Variants in CNTN4 observed in about 807,000 individuals in gnomAD.
The protein encoded by CNTN4 is contactin 4.
In CNTN4, 77 loss-of-function variants were observed where a neutral mutation model predicts 122.5. The observed-to-expected ratio is 0.63, with a 90% CI of 0.52 to 0.76. The LOEUF is 0.76. Among genes scored for constraint, CNTN4 ranks in the 30% least tolerant of loss-of-function variants. The probability of loss-of-function intolerance (pLI) is 0.00; values close to 1 mark genes in which losing one functional copy is unlikely to be tolerated. For synonymous variants in CNTN4, 512 were observed against 447.0 expected (o/e 1.15, Z -1.83); for missense variants, 1,256 against 1,259.1 (o/e 1.00, Z 0.04).
intron 8 of CNTN4, among the ~76,000 whole-genome samples, chr3:2,867,654 G>T (rs2093738711): frequency 1.3e-5 from 2 of 151,762 alleles, no homozygotes; most frequent in Admixed American, 1.3e-4. Flanking sequence ...CTTCTCCCTT[G>T]GATAAACTGA....
chr3:2,745,605 C>G lies in CNTN4; in HGVS notation c.266C>G (p.Pro89Arg), dbSNP rs756741292. The G allele has an allele frequency of 6.2e-7, 1 of 1,614,054 alleles. No homozygotes were observed. The highest frequency in any genetic ancestry group is 8.5e-7 in the Non-Finnish European group (1 of 1,179,954). Residue 89 changes from proline (P) to arginine (R), a missense_variant, in exon 6 of 25, where the codon CCC becomes CGC. Coordinates refer to ENST00000418658, the MANE Select transcript of CNTN4 (RefSeq NM_175607.3). ...VVEGSLLINNPNKTQDAGTYQ... is the reference protein window; with the variant it reads ...VVEGSLLINNRNKTQDAGTYQ... ...GAAGGGAGCTTGTTGATCAATAACC[C>G]CAATAAAACCCAAGATGCTGGAACG...
intron 3 of CNTN4, among the ~76,000 whole-genome samples, chr3:2,344,304 C>G (rs12639121): frequency 0.42 from 62,070 of 149,452 alleles, 13,596 homozygotes; most frequent in East Asian, 0.8. Context: ...TAGATGGCAT[C>G]TAGCTCTGTT....
At chr3:2,865,287 T>C (rs2093712226) in intron 7 of CNTN4, among the ~76,000 whole-genome samples, 1 of 152,208 alleles carries the variant, frequency 6.6e-6, no homozygotes, top group Non-Finnish European at 1.5e-5. Context: ...TGACCCCTCC[T>C]TTGTGCGTAA....
At chr3:2,573,560 T>C (rs1187000701) in intron 4 of CNTN4, among the ~76,000 whole-genome samples, 7 of 152,162 alleles carry the variant, frequency 4.6e-5, no homozygotes, top group African/African-American at 1.2e-4. Flanking sequence ...TTTCTCATAT[T>C]TGGCTACAGC....
chr3:2,952,310 A>G lies in CNTN4; in HGVS notation c.1358+26531A>G, dbSNP rs778816022. Among the ~76,000 whole-genome samples the G allele has an allele frequency of 9.9e-5, 15 of 152,224 alleles. No individual in the cohort carries two copies. The South Asian group carries it at 1.9e-3, about 19-fold the overall frequency. ...TGGATCTTGAGGTAACTACAGTACCATAAAAAGGACTAGATTTGGGGAATG... is the reference window on the plus strand; with the variant it reads ...TGGATCTTGAGGTAACTACAGTACCGTAAAAAGGACTAGATTTGGGGAATG... On this transcript the variant is annotated intron_variant, in intron 13 of 24. Transcript: ENST00000418658.
At chr3:2,998,055 C>G (rs967076793) in intron 14 of CNTN4, among the ~76,000 whole-genome samples, 1 of 152,086 alleles carries the variant, frequency 6.6e-6, no homozygotes, top group East Asian at 1.9e-4. Context: ...TCAGAACTGC[C>G]TTCTCCTCCA....
chr3:2,167,526 A>T lies in CNTN4; in HGVS notation c.-145+66887A>T, dbSNP rs151184469. ...TTGGAAACATAAACATTCAAGAAGA[A>T]ATTAACAAAACTATTACCAGACTGG... On this transcript the variant is annotated intron_variant, in intron 2 of 24. Transcript: ENST00000418658. Among the ~76,000 whole-genome samples the T allele has an allele frequency of 4.6e-3, 699 of 152,322 alleles. 4 individuals carry two copies. The highest frequency in any genetic ancestry group is 0.016 in the African/African-American group (668 of 41,574).
chr3:2,483,003 A>G (rs190288456), intron 3 of CNTN4, among the ~76,000 whole-genome samples: 345 of 152,106 alleles, frequency 2.3e-3, no homozygotes, highest in African/African-American at 7.9e-3. Flanking sequence ...CATCCTCCAG[A>G]CCCCAGAATG....
At chr3:2,537,409 C>G (rs1234079532) in intron 3 of CNTN4, among the ~76,000 whole-genome samples, 1 of 152,068 alleles carries the variant, frequency 6.6e-6, no homozygotes, top group Non-Finnish European at 1.5e-5. Context: ...TTTGTGAGAG[C>G]TATGTCTGTG....
At chr3:2,642,098 C>T (rs976942381) in intron 4 of CNTN4, among the ~76,000 whole-genome samples, 2 of 152,190 alleles carry the variant, frequency 1.3e-5, no homozygotes, top group Non-Finnish European at 2.9e-5. Context: ...AGGCTGTCTG[C>T]AAGCTGCGGA....
chr3:2,587,159 A>G (rs1178750766), intron 4 of CNTN4, among the ~76,000 whole-genome samples: 1 of 152,218 alleles, frequency 6.6e-6, no homozygotes, highest in Non-Finnish European at 1.5e-5. Context: ...ACTTCTTTAA[A>G]GGCAAATGTG....
chr3:2,540,141 T>C (rs1357427300), intron 3 of CNTN4, among the ~76,000 whole-genome samples: 1 of 151,862 alleles, frequency 6.6e-6, no homozygotes, highest in Non-Finnish European at 1.5e-5. Context: ...ATATAAAAAA[T>C]TGGGGTTGTA....
intron 4 of CNTN4, among the ~76,000 whole-genome samples, chr3:2,632,954 A>G (rs1337386284): frequency 2.7e-5 from 4 of 149,486 alleles, no homozygotes; most frequent in Admixed American, 1.3e-4. Context: ...ATTACAAGTA[A>G]TAGTATATAT....
chr3:2,257,596 A>T (rs1575189245), intron 2 of CNTN4, among the ~76,000 whole-genome samples: 1 of 152,178 alleles, frequency 6.6e-6, no homozygotes, highest in East Asian at 1.9e-4. Flanking sequence ...TACAAGAAAA[A>T]AGCAACCCCA....
chr3:2,630,541 A>G (rs1221684564), intron 4 of CNTN4, among the ~76,000 whole-genome samples: 1 of 152,172 alleles, frequency 6.6e-6, no homozygotes, highest in African/African-American at 2.4e-5. Context: ...TACGTTACCT[A>G]TTGGCTTGAC....
At chr3:2,698,344 T>A (rs112440646) in intron 4 of CNTN4, among the ~76,000 whole-genome samples, 1 of 152,218 alleles carries the variant, frequency 6.6e-6, no homozygotes, top group Admixed American at 6.5e-5. Context: ...GAGTTTCTGA[T>A]TAAGCCTGTG....
At chr3:2,601,565 A>G (rs2081049337) in intron 4 of CNTN4, among the ~76,000 whole-genome samples, 1 of 152,064 alleles carries the variant, frequency 6.6e-6, no homozygotes, top group African/African-American at 2.4e-5. Context: ...ATTGGTCTAT[A>G]TCTCTGTTTT....
intron 6 of CNTN4, among the ~76,000 whole-genome samples, chr3:2,788,081 G>C (rs2091897850): frequency 6.6e-6 from 1 of 151,972 alleles, no homozygotes; most frequent in African/African-American, 2.4e-5. Context: ...CCGGCCTATA[G>C]TATTAATAAT....
intron 5 of CNTN4, among the ~76,000 whole-genome samples, chr3:2,741,621 A>G (rs2089461560): frequency 1.3e-5 from 2 of 152,236 alleles, no homozygotes. Context: ...AAAGATTTTT[A>G]AATACTTTGT....
Sources: gnomAD v4.1 joint callset for allele counts (sites outside exome capture counted in the v4.1 genomes callset) on GRCh38, gnomAD v4.1.1 for gene constraint, MANE v1.5 for transcripts, NCBI Gene and HGNC (gene_info 2026-07-23, HGNC 2026-07-21) for gene names.